Variants in GLCCI1 observed in about 807,000 individuals in gnomAD.
The protein encoded by GLCCI1 is glucocorticoid induced 1.
In GLCCI1, 24 loss-of-function variants were observed where a neutral mutation model predicts 52.2. That is an observed-to-expected ratio of 0.46 (90% CI 0.33 to 0.65). The LOEUF (loss-of-function observed/expected upper bound fraction) is 0.65, where lower values mean the gene tolerates loss of function less well. Among genes scored for constraint, GLCCI1 ranks in the 30% least tolerant of loss-of-function variants. The probability of loss-of-function intolerance (pLI) is 0.02; values close to 1 mark genes in which losing one functional copy is unlikely to be tolerated. For synonymous variants in GLCCI1, 310 were observed against 276.5 expected, an observed-to-expected ratio of 1.12 and a Z score of -1.20; for missense variants, 704 against 701.5, an observed-to-expected ratio of 1.00 and a Z score of -0.04.
chr7:8,084,875 T>C (rs1266455391), intron 6 of GLCCI1, 22 bp from the exon 7 acceptor site: 6 of 1,609,380 alleles, frequency 3.7e-6, no homozygotes, highest in Non-Finnish European at 5.1e-6. Context: ...CACTAGTTAA[T>C]ATAACTGCTT....
At chr7:8,080,937 A>G (rs907484741) in intron 6 of GLCCI1, among the ~76,000 whole-genome samples, 1 of 150,744 alleles carries the variant, frequency 6.6e-6, no homozygotes, top group Non-Finnish European at 1.5e-5. Context: ...GCCTCCCTAA[A>G]ATGTTGTGGT....
At chr7:8,064,736 T>C (rs1304211664) in intron 5 of GLCCI1, among the ~76,000 whole-genome samples, 2 of 152,134 alleles carry the variant, frequency 1.3e-5, no homozygotes, top group African/African-American at 4.8e-5. Context: ...GACAGAGTCT[T>C]GCTGCTCTGT....
intron 3 of GLCCI1, among the ~76,000 whole-genome samples, chr7:8,029,799 T>C (rs1781705518): frequency 6.6e-6 from 1 of 151,988 alleles, no homozygotes; most frequent in Non-Finnish European, 1.5e-5. Context: ...AGTCATCCCA[T>C]TTACAATAGA....
At chr7:8,008,014 G>GAC (rs953639775) in intron 2 of GLCCI1, among the ~76,000 whole-genome samples, 1 of 152,026 alleles carries the variant, frequency 6.6e-6, no homozygotes, top group Non-Finnish European at 1.5e-5. Flanking sequence ...CAGCATGGTA[G>GAC]ACACACACAC....
chr7:8,042,575 C>T (rs1390421504), intron 3 of GLCCI1, among the ~76,000 whole-genome samples: 7 of 152,156 alleles, frequency 4.6e-5, no homozygotes, highest in Non-Finnish European at 1.0e-4. Flanking sequence ...CACTTTGAGG[C>T]TGAGATCACT....
intron 6 of GLCCI1, among the ~76,000 whole-genome samples, chr7:8,077,182 T>C (rs963660606): frequency 3.4e-5 from 5 of 146,286 alleles, no homozygotes; most frequent in African/African-American, 1.1e-4. Context: ...GGGTGGAAAA[T>C]AATAGGGTGT....
At chr7:8,011,735 T>C (rs956247489) in intron 2 of GLCCI1, among the ~76,000 whole-genome samples, 1 of 152,196 alleles carries the variant, frequency 6.6e-6, no homozygotes, top group African/African-American at 2.4e-5. Context: ...TCTTCCACTA[T>C]GGCTGTAGTA....
At chr7:8,042,163 A>G (rs935818418) in intron 3 of GLCCI1, among the ~76,000 whole-genome samples, 2 of 152,226 alleles carry the variant, frequency 1.3e-5, no homozygotes, top group Admixed American at 1.3e-4. Flanking sequence ...TATAAAAAAA[A>G]TTAATGTTTT....
chr7:8,009,022 G>C (rs889682030), intron 2 of GLCCI1, among the ~76,000 whole-genome samples: 1 of 152,052 alleles, frequency 6.6e-6, no homozygotes, highest in African/African-American at 2.4e-5. Flanking sequence ...ATTGAAGTTA[G>C]TAATACCCGA....
intron 3 of GLCCI1, among the ~76,000 whole-genome samples, chr7:8,028,304 G>A (rs1781665327): frequency 6.6e-6 from 1 of 152,024 alleles, no homozygotes; most frequent in South Asian, 2.1e-4. Flanking sequence ...CAATAACAAG[G>A]GGAATTTTGG....
intron 6 of GLCCI1, among the ~76,000 whole-genome samples, chr7:8,075,486 T>A (rs1782858455): frequency 1.3e-5 from 2 of 152,180 alleles, no homozygotes; most frequent in Admixed American, 6.5e-5. Flanking sequence ...CACATTATCA[T>A]ACCCAAAATA....
intron 2 of GLCCI1, among the ~76,000 whole-genome samples, chr7:8,017,812 C>G (rs1054784872): frequency 6.6e-6 from 1 of 152,156 alleles, no homozygotes; most frequent in African/African-American, 2.4e-5. Context: ...TTTACTATAT[C>G]TGGTTACCAC....
rs1782608248 is a variant in GLCCI1 at position 8,065,312 on chromosome 7, A to G, written c.966+5064A>G. On this transcript the variant is annotated intron_variant, in intron 5 of 7. Coordinates refer to ENST00000223145, the MANE Select transcript of GLCCI1 (RefSeq NM_138426.4). ...ATCAAGGAGCTTTTGGGTAGAGACTATGGGATTTTCTAGGTATAGAATCAT... is the reference window on the plus strand; with the variant it reads ...ATCAAGGAGCTTTTGGGTAGAGACTGTGGGATTTTCTAGGTATAGAATCAT... 9.2e-5 allele frequency among the ~76,000 whole-genome samples: 14 copies of G among 152,342 alleles called. No homozygotes were observed. The South Asian group carries it at 2.7e-3, about 29-fold the overall frequency.
chr7:7,969,584 C>T lies in GLCCI1; in HGVS notation c.234C>T (p.His78=). 9.7e-7 allele frequency: 1 copy of T among 1,035,812 alleles called. No individual in the cohort carries two copies. The highest frequency in any genetic ancestry group is 3.4e-5 in the South Asian group (1 of 29,010). 64.2% of individuals were successfully genotyped at this position (1,035,812 alleles called of 1,614,324 possible). A position where few individuals can be genotyped will look rare whatever the true frequency, so the allele number is the denominator to read the frequency against. The change falls in exon 1 of 8, where the codon CAC becomes CAT. Residue 78 remains histidine (H), a synonymous_variant. Transcript: ENST00000223145. This position sits in a 1 kb window ranked among gnomAD's most constrained non-coding sequence, Gnocchi z 4.9. ...ACCAGCTCTTGCGGGGCAGCCAGCA[C>T]AGTCCCACGCGTCCGCCCGTCGCCG... is the stretch of plus-strand genomic sequence containing the variant. ...VPYQLLRGSQ[H]SPTRPPVAAA...
chr7:7,971,514 C>T (rs886763979), intron 1 of GLCCI1, among the ~76,000 whole-genome samples: 1 of 152,168 alleles, frequency 6.6e-6, no homozygotes, highest in African/African-American at 2.4e-5. Flanking sequence ...ATAAGCATTG[C>T]AGATTGTGTA....
At chr7:7,987,891 A>C (rs1409928215) in intron 1 of GLCCI1, among the ~76,000 whole-genome samples, 1 of 152,114 alleles carries the variant, frequency 6.6e-6, no homozygotes, top group Non-Finnish European at 1.5e-5. Context: ...TTTATTTTTT[A>C]AAATGCGTAT....
chr7:8,044,964 T>C (rs1782089189), intron 3 of GLCCI1, among the ~76,000 whole-genome samples: 1 of 152,140 alleles, frequency 6.6e-6, no homozygotes, highest in African/African-American at 2.4e-5. Context: ...TTGGAAACTA[T>C]GACTTTAAAG....
chr7:8,050,855 G>A (rs1782242918), intron 3 of GLCCI1, among the ~76,000 whole-genome samples: 1 of 152,052 alleles, frequency 6.6e-6, no homozygotes, highest in African/African-American at 2.4e-5. Flanking sequence ...CTTTCTACCT[G>A]TATTTCTTCA....
chr7:8,043,104 T>G (rs1038137226), intron 3 of GLCCI1, among the ~76,000 whole-genome samples: 1 of 152,202 alleles, frequency 6.6e-6, no homozygotes, highest in Admixed American at 6.5e-5. Context: ...ATCATTAGCA[T>G]TTTTTAGCAA....
Sources: allele counts gnomAD v4.1 joint callset (sites outside exome capture counted in the v4.1 genomes callset), GRCh38; gene constraint gnomAD v4.1.1; non-coding constraint Gnocchi (gnomAD v3.1); transcripts MANE v1.5; gene names NCBI Gene and HGNC (gene_info 2026-07-23, HGNC 2026-07-21).